CRLF3: variants seen among roughly 807,000 people sequenced by gnomAD.
CRLF3 encodes the protein cytokine receptor-like factor 3.
Under a neutral mutation model 55.0 loss-of-function variants are expected in CRLF3, and 33 were observed. That is an observed-to-expected ratio of 0.60 (90% CI 0.46 to 0.80). The LOEUF (loss-of-function observed/expected upper bound fraction) is 0.80. CRLF3 is among the 30% of genes least tolerant of loss of function. The pLI is 0.00. For missense variants in CRLF3, 494 were observed against 538.4 expected, an observed-to-expected ratio of 0.92 and a Z score of 0.82; for synonymous variants, 238 against 196.8, an observed-to-expected ratio of 1.21 and a Z score of -1.75.
chr17:30,789,684 A>T (rs538807879), intron 6 of CRLF3, among the ~76,000 whole-genome samples: 4 of 152,286 alleles, frequency 2.6e-5, no homozygotes, highest in Non-Finnish European at 4.4e-5. Context: ...CATCTATCTC[A>T]CTGGGTTACC....
chr17:30,792,493 A>C lies in CRLF3; in HGVS notation c.906T>G (p.Gly302=). ...AAGTCGGAGCTCTGGAGTAGAGAACACCCGATGATTCAGAATCGTTCCGAA... is the reference window on the plus strand; with the variant it reads ...AAGTCGGAGCTCTGGAGTAGAGAACCCCCGATGATTCAGAATCGTTCCGAA... ...IALRNDSESS[G]VLYSRAPTYF... is the part of the protein sequence containing the mutation. Residue 302 remains glycine (G), a synonymous_variant, in exon 6 of 8, where the codon GGT becomes GGG. Coordinates refer to ENST00000324238, the MANE Select transcript of CRLF3 (RefSeq NM_015986.4). 3 of 1,613,038 alleles carry C rather than the reference A, an allele frequency of 1.9e-6. No homozygotes were observed. The highest frequency in any genetic ancestry group is 1.7e-6 in the Non-Finnish European group (2 of 1,179,026).
At chr17:30,815,397 T>C (rs1904765150) in intron 1 of CRLF3, among the ~76,000 whole-genome samples, 1 of 151,590 alleles carries the variant, frequency 6.6e-6, no homozygotes, top group Admixed American at 6.6e-5. Context: ...ACTTTTTGTA[T>C]TTTTAGTAGA....
intron 1 of CRLF3, among the ~76,000 whole-genome samples, chr17:30,817,100 A>G (rs1904831129): frequency 6.6e-6 from 1 of 152,060 alleles, no homozygotes; most frequent in Admixed American, 6.6e-5. Context: ...CCACCAACAA[A>G]TGTTCCTTTA....
At chr17:30,810,343 A>G (rs1567666814) in intron 1 of CRLF3, among the ~76,000 whole-genome samples, 1 of 152,112 alleles carries the variant, frequency 6.6e-6, no homozygotes. Context: ...GTGGATCACA[A>G]GATCAGGTGG....
At chr17:30,805,532 TGA>T (rs1904370205) in intron 1 of CRLF3, among the ~76,000 whole-genome samples, 1 of 151,774 alleles carries the variant, frequency 6.6e-6, no homozygotes, top group East Asian at 1.9e-4. Flanking sequence ...ACCAACATGG[TGA>T]AACTCCATCT....
chr17:30,819,420 CTG>C (rs74267082), intron 1 of CRLF3, among the ~76,000 whole-genome samples: 21 of 152,324 alleles, frequency 1.4e-4, no homozygotes, highest in Non-Finnish European at 2.9e-4. Flanking sequence ...TGGTGCCACT[CTG>C]TGAGGCCTGA....
At position 30,782,967 on chromosome 17, in the gene CRLF3, T is replaced by C. The variant is rs548793220; in HGVS notation, c.*1220A>G. 6.6e-6 allele frequency: 1 copy of C among 152,276 alleles called. No homozygotes were observed. The highest frequency in any genetic ancestry group is 2.1e-4 in the South Asian group (1 of 4,822). The allele number at this position is 152,276 out of a possible 1,614,324, so 9.4% of individuals were successfully genotyped here. A position where few individuals can be genotyped will look rare whatever the true frequency, so the allele number is the denominator to read the frequency against. On this transcript the variant is annotated 3_prime_UTR_variant, in exon 8 of 8. Coordinates refer to ENST00000324238, the MANE Select transcript of CRLF3 (RefSeq NM_015986.4). ...GTAGGGTGGCATAGAAGACAATTAT[T>C]TTTACATATTAAAGTCCTTCAAATA...
At chr17:30,797,505 T>TA (rs1460805507) in intron 2 of CRLF3, 107 bp from the exon 3 acceptor site, 2 of 819,136 alleles carry the variant, frequency 2.4e-6, no homozygotes, top group Non-Finnish European at 4.1e-6. Context: ...AATAAGTTCT[T>TA]AAGTGATGCC....
In CRLF3 at chr17:30,796,354, CAT is replaced by C. The variant is rs1567662357; in HGVS notation, c.426-19_426-18del. ...TCTGGTAAGCTGAGGAAACAAAGCT[CAT>C]GTGTTATGAGACCTCTAACTGAGAG... On this transcript the variant is annotated intron_variant, in intron 3 of 7. Transcript: ENST00000324238. 3 of 1,601,820 alleles carry C rather than the reference CAT, an allele frequency of 1.9e-6. No individual in the cohort carries two copies. The highest frequency in any genetic ancestry group is 1.3e-5 in the African/African-American group (1 of 74,768).
At chr17:30,806,691 G>A (rs1015541166) in intron 1 of CRLF3, among the ~76,000 whole-genome samples, 3 of 152,044 alleles carry the variant, frequency 2.0e-5, no homozygotes, top group African/African-American at 7.2e-5. Flanking sequence ...GTCTCACTCT[G>A]TTGCACATCC....
chr17:30,816,073 G>A (rs1017970068), intron 1 of CRLF3, among the ~76,000 whole-genome samples: 2 of 150,702 alleles, frequency 1.3e-5, no homozygotes, highest in Middle Eastern at 3.2e-3. Flanking sequence ...CACGAGGTCA[G>A]GAGTTCGAGA....
At chr17:30,790,062 T>C (rs766155364) in intron 6 of CRLF3, among the ~76,000 whole-genome samples, 1 of 151,988 alleles carries the variant, frequency 6.6e-6, no homozygotes, top group East Asian at 1.9e-4. Flanking sequence ...CATTAAGGGG[T>C]GAGGTGTCAA....
rs545103600 is a variant in CRLF3, at chr17:30,792,741, T to A, written c.827-169A>T. 605 of 481,170 alleles carry A rather than the reference T, an allele frequency of 1.3e-3. 1 individual carries two copies. The highest frequency in any genetic ancestry group is 0.012 in the African/African-American group (346 of 29,094). 29.8% of individuals were successfully genotyped at this position (481,170 alleles called of 1,614,324 possible). ...GGGTATCATGATCAGTCCCACAAATTACAAAAGATTTTAGTATATTCCTGC... is the reference window on the plus strand; with the variant it reads ...GGGTATCATGATCAGTCCCACAAATAACAAAAGATTTTAGTATATTCCTGC... On this transcript the variant is annotated intron_variant, in intron 5 of 7. Transcript: ENST00000324238.
intron 6 of CRLF3, among the ~76,000 whole-genome samples, chr17:30,788,003 CAAA>C (rs1234769157): frequency 6.7e-6 from 1 of 148,554 alleles, no homozygotes. Flanking sequence ...TTGTCTTAAA[CAAA>C]AAGAGGGGGA....
chr17:30,789,807 C>G (rs1971747477), intron 6 of CRLF3, among the ~76,000 whole-genome samples: 1 of 152,076 alleles, frequency 6.6e-6, no homozygotes, highest in African/African-American at 2.4e-5. Flanking sequence ...TTATTGCAGT[C>G]TGAGATATCT....
rs1468447220 is a variant in CRLF3 at position 30,808,596 on chromosome 17, A to T, written c.130-4488T>A. On this transcript the variant is annotated intron_variant, in intron 1 of 7. Coordinates refer to ENST00000324238, the MANE Select transcript of CRLF3 (RefSeq NM_015986.4). Reference sequence around the variant, plus strand: ...AGCCAACGCGCCCAGCCAAACCTGTATATATATATATTTTTTTTTTGAGTC... The same window carrying T: ...AGCCAACGCGCCCAGCCAAACCTGTTTATATATATATTTTTTTTTTGAGTC... Among the ~76,000 whole-genome samples, 11 of 147,362 alleles carry T rather than the reference A, an allele frequency of 7.5e-5. No homozygotes were observed. The Admixed American group carries it at 7.5e-4, about 10-fold the overall frequency.
In CRLF3 at chr17:30,824,679, G is replaced by T. The variant is rs757554682; in HGVS notation, c.-28C>A. 12 of 1,580,504 alleles carry T rather than the reference G, an allele frequency of 7.6e-6. No individual in the cohort carries two copies. Among genetic ancestry groups the T allele is most frequent in the Admixed American group, 3.4e-5 (2 of 58,672 alleles). On this transcript the variant is annotated 5_prime_UTR_variant, in exon 1 of 8. Coordinates refer to ENST00000324238, the MANE Select transcript of CRLF3 (RefSeq NM_015986.4). Reference sequence around the variant, plus strand: ...GGCCGCGCGGCCGGCGAAACCTAGCGCGGGTTCCCGACTGCACCGGGCGCC... The same window carrying T: ...GGCCGCGCGGCCGGCGAAACCTAGCTCGGGTTCCCGACTGCACCGGGCGCC...
chr17:30,788,601 T>TTTTTC (rs1242742584), intron 6 of CRLF3, among the ~76,000 whole-genome samples: 4 of 78,928 alleles, frequency 5.1e-5, no homozygotes, highest in Admixed American at 1.0e-4. Flanking sequence ...AGTGCCTTCT[T>TTTTTC]TTTTTTTTTT....
intron 5 of CRLF3, 194 bp from the exon 6 acceptor site, chr17:30,792,766 C>T: frequency 2.1e-6 from 1 of 467,472 alleles, no homozygotes. Flanking sequence ...TATATTCCTG[C>T]ATAATTTTGA....
Sources: gnomAD v4.1 joint callset for allele counts (sites outside exome capture counted in the v4.1 genomes callset) on GRCh38, gnomAD v4.1.1 for gene constraint, MANE v1.5 for transcripts, NCBI Gene and HGNC (gene_info 2026-07-23, HGNC 2026-07-21) for gene names.